Variants in TULP4 observed in about 807,000 individuals in gnomAD.
TULP4 encodes the protein TUB like protein 4.
In TULP4, 16 loss-of-function variants were observed where a neutral mutation model predicts 129.0. That is an observed-to-expected ratio of 0.12 (90% CI 0.08 to 0.19). The LOEUF is 0.19. TULP4 is among the 10% of genes least tolerant of loss of function. TULP4 has a pLI of 1.00. For synonymous variants in TULP4, 998 were observed against 854.0 expected (o/e 1.17, Z -2.94); for missense variants, 1,842 against 2,059.1 (o/e 0.89, Z 2.04).
rs140743956 is a variant in TULP4 at position 158,487,505 on chromosome 6, G to A, written c.1487-2083G>A. 2.0e-5 allele frequency among the ~76,000 whole-genome samples: 3 copies of A among 152,340 alleles called. No homozygotes were observed. In the East Asian group the frequency reaches 5.8e-4, roughly 29 times the overall value. On this transcript the variant is annotated intron_variant, in intron 8 of 13. Transcript: ENST00000367097. ...ATTAGCAGATTCTTGAAAACTGACA[G>A]AATTGAGATGTAAAGCCCCAGACAT...
At chr6:158,295,679 A>G (rs1164651799) in intron 1 of TULP4, among the ~76,000 whole-genome samples, 1 of 152,092 alleles carries the variant, frequency 6.6e-6, no homozygotes, top group Admixed American at 6.5e-5. Context: ...CACAAGGTTG[A>G]GAGATCGAGA....
chr6:158,260,947 A>T (rs1320190566), intron 1 of TULP4, among the ~76,000 whole-genome samples: 1 of 151,326 alleles, frequency 6.6e-6, no homozygotes, highest in Non-Finnish European at 1.5e-5. Flanking sequence ...CAGCCTCCCG[A>T]GTAGCTGGGA....
At chr6:158,238,022 G>C in intron 1 of TULP4, 7 of 707,992 alleles carry the variant, frequency 9.9e-6, no homozygotes, top group Non-Finnish European at 1.8e-5. Context: ...TTGAGCTGAT[G>C]GTTTTGATAC....
At chr6:158,496,623 A>T (rs1454240030) in intron 11 of TULP4, among the ~76,000 whole-genome samples, 1 of 152,248 alleles carries the variant, frequency 6.6e-6, no homozygotes, top group African/African-American at 2.4e-5. Context: ...TATTGATTAG[A>T]TAAGGCTGAT....
At chr6:158,418,134 G>T (rs1778256610) in intron 2 of TULP4, among the ~76,000 whole-genome samples, 1 of 150,374 alleles carries the variant, frequency 6.7e-6, no homozygotes, top group African/African-American at 2.5e-5. Flanking sequence ...GGGGAGACAG[G>T]GTCTCTCTGT....
Position 158,502,627 on chromosome 6 carries a change from G to T in TULP4, c.2964G>T (p.Arg988=), listed in dbSNP as rs760744087. ...SDNSLIHATL[R]RNNREATLKM... Reference sequence around the variant, plus strand: ...ATAGCCTCATCCACGCTACCCTGCGGAGGAACAACCGTGAGGCTACGCTCA... The same window carrying T: ...ATAGCCTCATCCACGCTACCCTGCGTAGGAACAACCGTGAGGCTACGCTCA... The change falls in exon 13 of 14, where the codon CGG becomes CGT. Residue 988 remains arginine (R), a synonymous_variant. Coordinates refer to ENST00000367097, the MANE Select transcript of TULP4 (RefSeq NM_020245.5). The T allele has an allele frequency of 1.9e-6, 3 of 1,595,214 alleles. No homozygotes were observed. Among genetic ancestry groups the T allele is most frequent in the South Asian group, 2.2e-5 (2 of 90,486 alleles).
At position 158,337,847 on chromosome 6, in the gene TULP4, G is replaced by A. The variant is rs561464830; in HGVS notation, c.252+23579G>A. ...TGGGACTGAAACAAAGGTACTAAAA[G>A]TAGGAAACAGAAGAAACCAGAGGAA... is the stretch of plus-strand genomic sequence containing the variant. On this transcript the variant is annotated intron_variant, in intron 1 of 13. Coordinates refer to ENST00000367097, the MANE Select transcript of TULP4 (RefSeq NM_020245.5). 4.0e-5 allele frequency among the ~76,000 whole-genome samples: 6 copies of A among 151,850 alleles called. No individual in the cohort carries two copies. The East Asian group carries it at 1.2e-3, about 29-fold the overall frequency.
At chr6:158,336,153 AG>A (rs1318291774) in intron 1 of TULP4, among the ~76,000 whole-genome samples, 1 of 152,186 alleles carries the variant, frequency 6.6e-6, no homozygotes, top group Non-Finnish European at 1.5e-5. Flanking sequence ...ATGGCACTGC[AG>A]TGTGGTTTTA....
rs191314962 is a variant in TULP4, at chr6:158,429,730, C to T, written c.382-6C>T. 5.6e-6 allele frequency: 9 copies of T among 1,604,252 alleles called. No individual in the cohort carries two copies. The African/African-American group carries it at 8.0e-5, about 14-fold the overall frequency. On this transcript the variant is annotated splice_polypyrimidine_tract_variant and splice_region_variant and intron_variant, in intron 2 of 13. Transcript: ENST00000367097. ...AAATTGACTCTTTTCTGTGTGTGTC[C>T]CCAAGGTGAGTGATTTCACGTGGAG...
At chr6:158,429,655 G>T in intron 2 of TULP4, 81 bp from the exon 3 acceptor site, 1 of 1,447,958 alleles carries the variant, frequency 6.9e-7, no homozygotes, top group Non-Finnish European at 9.3e-7. Flanking sequence ...AAAAGTCTAA[G>T]TTAATGACTA....
chr6:158,474,589 G>C (rs1583916594), intron 6 of TULP4, among the ~76,000 whole-genome samples: 2 of 152,176 alleles, frequency 1.3e-5, no homozygotes, highest in African/African-American at 4.8e-5. Context: ...CCCCCTTGCT[G>C]TTGCTCTGGC....
intron 1 of TULP4, among the ~76,000 whole-genome samples, chr6:158,325,574 A>G (rs1174579661): frequency 6.6e-6 from 1 of 151,870 alleles, no homozygotes. Flanking sequence ...GGATGGTCTC[A>G]ATCTCCTGAC....
intron 6 of TULP4, among the ~76,000 whole-genome samples, chr6:158,478,029 T>G (rs1779861392): frequency 6.6e-6 from 1 of 152,180 alleles, no homozygotes; most frequent in African/African-American, 2.4e-5. Context: ...ATACCATATA[T>G]TCTCACTTCT....
At chr6:158,365,499 CAG>C in intron 1 of TULP4, among the ~76,000 whole-genome samples, 1 of 139,988 alleles carries the variant, frequency 7.1e-6, no homozygotes, top group East Asian at 2.1e-4. Flanking sequence ...GTTTTTGAGA[CAG>C]AGTCTTGCTC....
At chr6:158,391,681 T>C (rs1182612283) in intron 1 of TULP4, among the ~76,000 whole-genome samples, 2 of 152,234 alleles carry the variant, frequency 1.3e-5, no homozygotes, top group African/African-American at 4.8e-5. Flanking sequence ...GACGGGCTAC[T>C]TTGGTACATG....
At chr6:158,459,811 T>C (rs1779384477) in intron 5 of TULP4, among the ~76,000 whole-genome samples, 2 of 152,312 alleles carry the variant, frequency 1.3e-5, no homozygotes, top group South Asian at 4.1e-4. Flanking sequence ...TGTTAGTGCC[T>C]CACCTTTTGG....
intron 1 of TULP4, among the ~76,000 whole-genome samples, chr6:158,300,020 C>T: frequency 6.6e-6 from 1 of 152,174 alleles, no homozygotes; most frequent in East Asian, 1.9e-4. Flanking sequence ...AGAGGGGTCT[C>T]TGTTGCCATT....
intron 1 of TULP4, among the ~76,000 whole-genome samples, chr6:158,261,319 A>G (rs1365733833): frequency 6.6e-6 from 1 of 152,198 alleles, no homozygotes; most frequent in Non-Finnish European, 1.5e-5. Context: ...AGTGACTACC[A>G]TTTTGTACAG....
chr6:158,232,231 GC>G (rs1387218616), upstream of TULP4: 1 of 149,064 alleles, frequency 6.7e-6, no homozygotes, highest in Non-Finnish European at 1.5e-5. Flanking sequence ...GGCGGCGGCG[GC>G]GGCGATGCGG....
Sources: gnomAD v4.1 joint callset for allele counts (sites outside exome capture counted in the v4.1 genomes callset) on GRCh38, gnomAD v4.1.1 for gene constraint, MANE v1.5 for transcripts, NCBI Gene and HGNC (gene_info 2026-07-23, HGNC 2026-07-21) for gene names.